Variants in PBX1 observed in about 807,000 individuals in gnomAD.
The protein encoded by PBX1 is PBX homeobox 1.
Under a neutral mutation model 53.4 loss-of-function variants are expected in PBX1, and 6 were observed. The observed-to-expected ratio is 0.11, with a 90% confidence interval of 0.06 to 0.22. The LOEUF (loss-of-function observed/expected upper bound fraction) is 0.22. Among genes scored for constraint, PBX1 ranks in the 10% least tolerant of loss-of-function variants. PBX1 has a pLI of 1.00. For synonymous variants in PBX1, 204 were observed against 212.3 expected, an observed-to-expected ratio of 0.96 and a Z score of 0.34; for missense variants, 251 against 551.4, an observed-to-expected ratio of 0.46 and a Z score of 5.46.
At chr1:164,706,342 T>G (rs1663425722) in intron 2 of PBX1, among the ~76,000 whole-genome samples, 1 of 152,228 alleles carries the variant, frequency 6.6e-6, no homozygotes, top group Non-Finnish European at 1.5e-5. Flanking sequence ...GTCTTTCTGA[T>G]AAGCTGTGCA....
At chr1:164,635,477 G>A (rs1377846534) in intron 2 of PBX1, among the ~76,000 whole-genome samples, 1 of 152,200 alleles carries the variant, frequency 6.6e-6, no homozygotes, top group Non-Finnish European at 1.5e-5. Flanking sequence ...TTTCAGTGCA[G>A]CTTAGCCCAA....
chr1:164,648,298 A>T (rs1659587559), intron 2 of PBX1, among the ~76,000 whole-genome samples: 1 of 152,200 alleles, frequency 6.6e-6, no homozygotes, highest in Non-Finnish European at 1.5e-5. Flanking sequence ...CTTTGAAGTT[A>T]CCAAGCTCTA....
rs1214571710 is a variant in PBX1 at position 164,786,714 on chromosome 1, T to C, written c.266-5780T>C. 3.9e-3 allele frequency among the ~76,000 whole-genome samples: 444 copies of C among 113,460 alleles called. 2 individuals carry two copies. The highest frequency in any genetic ancestry group is 5.5e-3 in the African/African-American group (143 of 25,918). The allele number at this position is 113,460 out of a possible 152,430, so 74.4% of individuals were successfully genotyped here. A position where few individuals can be genotyped will look rare whatever the true frequency, so the allele number is the denominator to read the frequency against. ...GTGTGTGTGTGTGTGTGTGTGTGTG[T>C]GTGTGTGCGCGCGCACACACACACA... On this transcript the variant is annotated intron_variant, in intron 2 of 8. Coordinates refer to ENST00000420696, the MANE Select transcript of PBX1 (RefSeq NM_002585.4).
intron 2 of PBX1, among the ~76,000 whole-genome samples, chr1:164,716,800 T>A (rs1366201301): frequency 6.6e-6 from 1 of 151,816 alleles, no homozygotes; most frequent in African/African-American, 2.4e-5. Flanking sequence ...ATGCATAGTA[T>A]CTTTCTTACA....
chr1:164,651,730 C>G (rs1186810134), intron 2 of PBX1, among the ~76,000 whole-genome samples: 2 of 152,198 alleles, frequency 1.3e-5, no homozygotes, highest in Admixed American at 1.3e-4. Context: ...ACCAAATCCA[C>G]TTTAAGCATG....
intron 7 of PBX1, 51 bp downstream of exon 7, chr1:164,820,235 C>A: frequency 9.8e-7 from 1 of 1,016,516 alleles, no homozygotes; most frequent in Non-Finnish European, 1.6e-6. Context: ...AGTCCAAGAG[C>A]CCTCAGTTGT....
intron 3 of PBX1, among the ~76,000 whole-genome samples, chr1:164,796,645 A>G (rs1668801750): frequency 6.6e-6 from 1 of 152,158 alleles, no homozygotes; most frequent in African/African-American, 2.4e-5. Context: ...TCAGGATGTA[A>G]ACTTAAACCT....
intron 2 of PBX1, among the ~76,000 whole-genome samples, chr1:164,643,239 G>T (rs574548475): frequency 2.3e-4 from 35 of 152,252 alleles, no homozygotes; most frequent in African/African-American, 6.3e-4. Flanking sequence ...CGTTGCAGAC[G>T]CTCTCCCTAC....
intron 2 of PBX1, among the ~76,000 whole-genome samples, chr1:164,671,878 CCATATGCCT>C (rs1661135469): frequency 6.6e-6 from 1 of 152,096 alleles, no homozygotes; most frequent in South Asian, 2.1e-4. Context: ...GCCTGCTTGC[CCATATGCCT>C]TACCTTCCCT....
chr1:164,752,286 T>C (rs1666279768), intron 2 of PBX1, among the ~76,000 whole-genome samples: 1 of 151,396 alleles, frequency 6.6e-6, no homozygotes, highest in South Asian at 2.1e-4. Flanking sequence ...GACACTTAGC[T>C]CTTAAGAAAG....
Position 164,846,636 on chromosome 1 carries a change from C to A in PBX1, c.1253C>A (p.Thr418Lys). ...ATTPSSVTSP[T>K]EGPGSVHSDT... ...ACCCCTTCATCAGTGACCTCCCCTA[C>A]AGAAGGCCCTGGCAGTGTTCACTCT... The change falls in exon 9 of 9, where the codon ACA becomes AAA. Residue 418 changes from threonine (T) to lysine (K), a missense_variant. By Grantham distance (78) the Thr-to-Lys change is moderately conservative (BLOSUM62 -1). Around this residue, in one of 4 missense-constraint regions of PBX1, gnomAD observed 92 missense variants for 130.4 expected, o/e 0.71. Coordinates refer to ENST00000420696, the MANE Select transcript of PBX1 (RefSeq NM_002585.4). The A allele has an allele frequency of 6.2e-7, 1 of 1,614,130 alleles. No individual in the cohort carries two copies. The highest frequency in any genetic ancestry group is 2.2e-5 in the East Asian group (1 of 44,854).
intron 2 of PBX1, among the ~76,000 whole-genome samples, chr1:164,666,109 C>T (rs1660792000): frequency 6.6e-6 from 1 of 152,166 alleles, no homozygotes; most frequent in Non-Finnish European, 1.5e-5. Flanking sequence ...CGGGATGTGA[C>T]TCCTGGGTAC....
At chr1:164,663,169 C>G (rs1273152648) in intron 2 of PBX1, among the ~76,000 whole-genome samples, 1 of 151,836 alleles carries the variant, frequency 6.6e-6, no homozygotes, top group Non-Finnish European at 1.5e-5. Flanking sequence ...TGCCTGCCTT[C>G]CTTCCTGCCT....
At chr1:164,615,336 A>T (rs1026526473) in intron 2 of PBX1, among the ~76,000 whole-genome samples, 4 of 152,190 alleles carry the variant, frequency 2.6e-5, no homozygotes, top group Non-Finnish European at 5.9e-5. Flanking sequence ...ACCACAAGGA[A>T]TTTTTAAATA....
intron 2 of PBX1, among the ~76,000 whole-genome samples, chr1:164,720,389 C>T (rs1259803985): frequency 4.6e-5 from 7 of 152,100 alleles, no homozygotes; most frequent in Admixed American, 4.6e-4. Flanking sequence ...TATGTGAAGT[C>T]ACCCGTACTG....
chr1:164,789,976 T>A (rs1056298723), intron 2 of PBX1, among the ~76,000 whole-genome samples: 3 of 152,034 alleles, frequency 2.0e-5, no homozygotes, highest in Non-Finnish European at 4.4e-5. Flanking sequence ...TTCTTTTTTT[T>A]TTCTAATTTG....
chr1:164,654,797 C>A (rs1571157939), intron 2 of PBX1, among the ~76,000 whole-genome samples: 2 of 152,336 alleles, frequency 1.3e-5, no homozygotes, highest in African/African-American at 4.8e-5. Context: ...AGATAGTTAA[C>A]CAAGTCTTAA....
rs78336606 is a variant in PBX1, at chr1:164,804,707, C to A, written c.702-2835C>A. Among the ~76,000 whole-genome samples, 1,128 of 152,216 alleles carry A rather than the reference C, an allele frequency of 7.4e-3. 7 individuals are homozygous for A. Among genetic ancestry groups the A allele is most frequent in the Non-Finnish European group, 0.011 (754 of 68,012 alleles). On this transcript the variant is annotated intron_variant, in intron 4 of 8. Transcript: ENST00000420696. ...GGTAGATTTGAAAGTGTAGAACTGTCAGGACATGCTTTGGGGGCAATCATT... is the reference window on the plus strand; with the variant it reads ...GGTAGATTTGAAAGTGTAGAACTGTAAGGACATGCTTTGGGGGCAATCATT...
Position 164,603,929 on chromosome 1 carries a change from ATTTTTTTTTTTTTTTTTT to A in PBX1, c.265+40634_265+40651del, listed in dbSNP as rs71583414. 9.2e-5 allele frequency among the ~76,000 whole-genome samples: 7 copies of A among 75,758 alleles called. 1 individual carries two copies. In the South Asian group the frequency reaches 1.6e-3, roughly 17 times the overall value. The allele number at this position is 75,758 out of a possible 152,430, so 49.7% of individuals were successfully genotyped here. ...GACACTCTGTACATTATGTCATTTC[ATTTTTTTTTTTTTTTTTT>A]TTTTTTTTTTTTTTTAGAGATGAGT... is the stretch of plus-strand genomic sequence containing the variant. On this transcript the variant is annotated intron_variant, in intron 2 of 8. Transcript: ENST00000420696.
Sources: gnomAD v4.1 joint callset for allele counts (sites outside exome capture counted in the v4.1 genomes callset) on GRCh38, gnomAD v4.1.1 for gene constraint, gnomAD v4.1.1 regional missense constraint, MANE v1.5 for transcripts, NCBI Gene and HGNC (gene_info 2026-07-23, HGNC 2026-07-21) for gene names.